NAF1: variants seen among roughly 807,000 people sequenced by gnomAD.
NAF1 encodes the protein H/ACA ribonucleoprotein complex non-core subunit NAF1.
In NAF1, 11 loss-of-function variants were observed where a neutral mutation model predicts 40.6. That is an observed-to-expected ratio of 0.27 (90% CI 0.17 to 0.45). The LOEUF (loss-of-function observed/expected upper bound fraction) is 0.45. NAF1 is among the 20% of genes least tolerant of loss of function. NAF1 has a pLI of 1.00. For missense variants in NAF1, 607 were observed against 611.1 expected, an observed-to-expected ratio of 0.99 and a Z score of 0.07; for synonymous variants, 260 against 228.5, an observed-to-expected ratio of 1.14 and a Z score of -1.24.
chr4:163,141,326 C>T (rs1207329867), intron 4 of NAF1, among the ~76,000 whole-genome samples: 1 of 152,048 alleles, frequency 6.6e-6, no homozygotes, highest in African/African-American at 2.4e-5. Context: ...ATTGTGCCAT[C>T]GCACTACAGC....
At chr4:163,115,217 T>C (rs1369622283) in intron 2 of NAF1, among the ~76,000 whole-genome samples, 1 of 142,462 alleles carries the variant, frequency 7.0e-6, no homozygotes. Flanking sequence ...ATTTATTTTT[T>C]TTTTTTTTTG....
At chr4:163,133,559 AG>A in intron 6 of NAF1, 4 of 274,486 alleles carry the variant, frequency 1.5e-5, no homozygotes. Context: ...CAAAGGTAAG[AG>A]TATCAAGGAC....
Position 163,115,211 on chromosome 4 carries a change from ATT to A in NAF1, c.115-4923_115-4922del, listed in dbSNP as rs1223572781. ...ATATAGGACAATAATTTTTTTATTTATTTTTTTTTTTTTTTGAGACAGAGTCT... is the reference window on the plus strand; with the variant it reads ...ATATAGGACAATAATTTTTTTATTTATTTTTTTTTTTTTGAGACAGAGTCT... On this transcript the variant is annotated intron_variant, in intron 2 of 2. Coordinates refer to the NAF1 transcript ENST00000509434. Among the ~76,000 whole-genome samples the A allele has an allele frequency of 2.3e-4, 22 of 97,350 alleles. 4 individuals are homozygous for A. In the South Asian group the frequency reaches 5.5e-3, roughly 24 times the overall value. The allele number at this position is 97,350 out of a possible 152,430, so 63.9% of individuals were successfully genotyped here. A position where few individuals can be genotyped will look rare whatever the true frequency, so the allele number is the denominator to read the frequency against.
chr4:163,120,556 A>C (rs550006237), intron 2 of NAF1, among the ~76,000 whole-genome samples: 1 of 152,312 alleles, frequency 6.6e-6, no homozygotes, highest in Non-Finnish European at 1.5e-5. Context: ...TTCCCATTTC[A>C]CCTTTATATG....
At chr4:163,144,849 G>C (rs1731400897) in intron 4 of NAF1, among the ~76,000 whole-genome samples, 1 of 152,104 alleles carries the variant, frequency 6.6e-6, no homozygotes, top group African/African-American at 2.4e-5. Flanking sequence ...CAAAAAAAAT[G>C]TCTGTTTAGA....
intron 1 of NAF1, 76 bp downstream of exon 1, chr4:163,166,287 G>A: frequency 6.7e-7 from 1 of 1,493,332 alleles, no homozygotes; most frequent in Non-Finnish European, 8.9e-7. Flanking sequence ...GCAACCTCTA[G>A]GCTCCTAGGC....
rs188367409 is a variant in NAF1, at chr4:163,149,117, G to T, written c.541-683C>A. ...CCCACCTGCAAACTGCATCTCAGTTGCTATGGAAACTAGATATTGAAGTAC... is the reference window on the plus strand; with the variant it reads ...CCCACCTGCAAACTGCATCTCAGTTTCTATGGAAACTAGATATTGAAGTAC... On this transcript the variant is annotated intron_variant, in intron 2 of 7. Coordinates refer to ENST00000274054, the MANE Select transcript of NAF1 (RefSeq NM_138386.3). Among the ~76,000 whole-genome samples, 276 of 152,290 alleles carry T rather than the reference G, an allele frequency of 1.8e-3. 1 individual carries two copies. The highest frequency in any genetic ancestry group is 3.4e-3 in the Middle Eastern group (1 of 294).
chr4:163,112,694 T>C (rs1001750210), intron 2 of NAF1, among the ~76,000 whole-genome samples: 3 of 152,164 alleles, frequency 2.0e-5, no homozygotes, highest in African/African-American at 4.8e-5. Context: ...AGCTGGGGTA[T>C]AAGGCTCTTT....
intron 2 of NAF1, among the ~76,000 whole-genome samples, chr4:163,150,226 T>A (rs926022068): frequency 7.2e-5 from 11 of 152,152 alleles, no homozygotes; most frequent in African/African-American, 2.7e-4. Flanking sequence ...TGATACTGTT[T>A]TGCTTTTGTT....
At chr4:163,162,004 TAC>T (rs1732245120) in intron 2 of NAF1, among the ~76,000 whole-genome samples, 1 of 151,920 alleles carries the variant, frequency 6.6e-6, no homozygotes, top group African/African-American at 2.4e-5. Context: ...CACTCTCTCC[TAC>T]ACACTCGCCT....
chr4:163,149,403 T>C (rs958761468), intron 2 of NAF1, among the ~76,000 whole-genome samples: 1 of 152,188 alleles, frequency 6.6e-6, no homozygotes, highest in African/African-American at 2.4e-5. Context: ...TCCTGAGTAA[T>C]CATATTACCC....
At chr4:163,114,226 G>C (rs1415167889) in intron 2 of NAF1, among the ~76,000 whole-genome samples, 1 of 152,206 alleles carries the variant, frequency 6.6e-6, no homozygotes, top group Non-Finnish European at 1.5e-5. Flanking sequence ...GAGGTCTGTG[G>C]AATCTACTGC....
At chr4:163,144,130 G>A in intron 4 of NAF1, 5 of 446,314 alleles carry the variant, frequency 1.1e-5, no homozygotes, top group Non-Finnish European at 1.5e-5. Flanking sequence ...TGATATATGA[G>A]AAGGAAACAG....
At position 163,129,146 on chromosome 4, in the gene NAF1, C is replaced by T; in HGVS notation, c.1236G>A (p.Gln412=). 6.2e-7 allele frequency: 1 copy of T among 1,613,974 alleles called. No individual in the cohort carries two copies. The highest frequency in any genetic ancestry group is 1.1e-5 in the South Asian group (1 of 91,072). Residue 412 remains glutamine (Q), a synonymous_variant, in exon 8 of 8, where the codon CAG becomes CAA. Coordinates refer to ENST00000274054, the MANE Select transcript of NAF1 (RefSeq NM_138386.3). ...GTGGCATAATGGGATTATTTTGTCT[C>T]TGAGAAGGAAATCCTGAAGTCTCCT... ...VSQETSGFPS[Q]RQNNPIMPQY... is the part of the protein sequence containing the mutation.
intron 2 of NAF1, among the ~76,000 whole-genome samples, chr4:163,112,141 AGAT>A (rs1416559631): frequency 6.6e-6 from 1 of 152,154 alleles, no homozygotes; most frequent in Non-Finnish European, 1.5e-5. Context: ...AAAAAAAATA[AGAT>A]GAGAGAGATA....
the NAF1 span, among the ~76,000 whole-genome samples, chr4:163,104,716 C>T: frequency 7.9e-5 from 12 of 152,184 alleles, no homozygotes; most frequent in Admixed American, 6.5e-4. Flanking sequence ...AAAAGTGATA[C>T]GCTTTACTTT....
chr4:163,158,917 C>T (rs1449266868), intron 2 of NAF1, among the ~76,000 whole-genome samples: 2 of 152,114 alleles, frequency 1.3e-5, no homozygotes, highest in Non-Finnish European at 2.9e-5. Context: ...ATGTGCAGTA[C>T]ACCATTCATC....
At chr4:163,149,452 C>T (rs561840425) in intron 2 of NAF1, among the ~76,000 whole-genome samples, 2 of 152,234 alleles carry the variant, frequency 1.3e-5, no homozygotes, top group South Asian at 4.2e-4. Context: ...ATCATTCAAC[C>T]AGAGTTGATA....
At chr4:163,110,862 A>G (rs1440625428) in intron 2 of NAF1, among the ~76,000 whole-genome samples, 1 of 152,090 alleles carries the variant, frequency 6.6e-6, no homozygotes, top group Non-Finnish European at 1.5e-5. Context: ...CTAGGGATTT[A>G]TTTATATTTT....
Sources: gnomAD v4.1 joint callset for allele counts (sites outside exome capture counted in the v4.1 genomes callset) on GRCh38, gnomAD v4.1.1 for gene constraint, MANE v1.5 for transcripts, NCBI Gene and HGNC (gene_info 2026-07-23, HGNC 2026-07-21) for gene names.